HDAC8: variants seen among roughly 807,000 people sequenced by gnomAD.
HDAC8 encodes histone deacetylase 8, also known as histone deacetylase-like 1.
A neutral mutation model predicts 32.2 loss-of-function variants in HDAC8; 1 was observed. The ratio of observed to expected loss-of-function variants is 0.03; its 90% CI spans 0.01 to 0.15. The LOEUF is 0.15. HDAC8 is among the 10% of genes least tolerant of loss of function. The pLI is 1.00. For missense variants in HDAC8, 117 were observed against 300.0 expected (o/e 0.39, Z 4.51); for synonymous variants, 108 against 113.9 (o/e 0.95, Z 0.33).
intron 7 of HDAC8, chrX:72,467,772 T>A (rs2048061024): frequency 2.3e-6 from 1 of 436,801 alleles, no homozygotes; most frequent in Non-Finnish European, 3.8e-6. Context: ...TTTGCAACCA[T>A]CCAGGCCAGT....
intron 9 of HDAC8, among the ~76,000 whole-genome samples, chrX:72,354,506 T>A (rs2044274218): frequency 8.9e-6 from 1 of 112,573 alleles, no homozygotes; most frequent in African/African-American, 3.2e-5. Context: ...GCTAGCCATA[T>A]AGCTAATTGT....
intron 9 of HDAC8, among the ~76,000 whole-genome samples, chrX:72,402,041 A>T (rs944576589): frequency 9.0e-6 from 1 of 111,649 alleles, no homozygotes; most frequent in African/African-American, 3.3e-5. Flanking sequence ...TAATTATTGT[A>T]GGTCTATTCA....
chrX:72,450,054 G>A (rs1226666417), intron 9 of HDAC8, among the ~76,000 whole-genome samples: 6 of 112,014 alleles, frequency 5.4e-5, no homozygotes, highest in Non-Finnish European at 7.5e-5. Flanking sequence ...TCTATACCAT[G>A]GAATACCATT....
chrX:72,346,216 T>A (rs782710504), intron 10 of HDAC8, among the ~76,000 whole-genome samples: 13 of 111,530 alleles, frequency 1.2e-4, no homozygotes, highest in Non-Finnish European at 3.8e-5. Context: ...AGATAAAGGA[T>A]GGACATCACA....
intron 4 of HDAC8, among the ~76,000 whole-genome samples, chrX:72,562,733 A>G (rs1361905573): frequency 9.0e-6 from 1 of 110,964 alleles, no homozygotes; most frequent in Non-Finnish European, 1.9e-5. Context: ...AAAATAAAAA[A>G]TAATATTTGG....
At chrX:72,336,709 C>A (rs2043697687) in intron 10 of HDAC8, among the ~76,000 whole-genome samples, 1 of 111,244 alleles carries the variant, frequency 9.0e-6, no homozygotes, top group Non-Finnish European at 1.9e-5. Flanking sequence ...GGAGCCACCA[C>A]ACCCCCAAAA....
intron 9 of HDAC8, among the ~76,000 whole-genome samples, chrX:72,434,043 G>A (rs2046888367): frequency 8.9e-6 from 1 of 112,509 alleles, no homozygotes; most frequent in African/African-American, 3.2e-5. Context: ...CACAATGTCT[G>A]GCAGCAGTAG....
intron 9 of HDAC8, among the ~76,000 whole-genome samples, chrX:72,457,623 A>C (rs2047754959): frequency 8.9e-6 from 1 of 112,315 alleles, no homozygotes; most frequent in Admixed American, 9.5e-5. Flanking sequence ...GAAATACAGT[A>C]CTTAGGGATA....
chrX:72,420,648 G>A (rs974180245), intron 9 of HDAC8, among the ~76,000 whole-genome samples: 1 of 111,465 alleles, frequency 9.0e-6, no homozygotes, highest in African/African-American at 3.3e-5. Context: ...TATATTTTAA[G>A]GCTCTGTTGT....
At chrX:72,482,271 G>A (rs1390641522) in intron 7 of HDAC8, among the ~76,000 whole-genome samples, 1 of 111,692 alleles carries the variant, frequency 9.0e-6, no homozygotes, top group Non-Finnish European at 1.9e-5. Context: ...ACATGAAAAA[G>A]ATGTAATTCC....
At chrX:72,413,920 A>G (rs1182741397) in intron 9 of HDAC8, among the ~76,000 whole-genome samples, 1 of 112,027 alleles carries the variant, frequency 8.9e-6, no homozygotes, top group African/African-American at 3.2e-5. Flanking sequence ...CTTACGATAA[A>G]TCACCTTCTT....
chrX:72,540,045 C>T (rs1247556331), intron 4 of HDAC8, among the ~76,000 whole-genome samples: 1 of 111,841 alleles, frequency 8.9e-6, no homozygotes, highest in Non-Finnish European at 1.9e-5. Context: ...AGAGGCCTGA[C>T]TGGGGCTTTA....
intron 9 of HDAC8, among the ~76,000 whole-genome samples, chrX:72,408,054 C>T (rs782671075): frequency 2.7e-5 from 3 of 111,956 alleles, no homozygotes; most frequent in Admixed American, 9.5e-5. Context: ...TAAATATATA[C>T]TGAGTGTTTA....
Position 72,468,030 on chromosome X carries a change from G to T in HDAC8, c.738-3299C>A, listed in dbSNP as rs977672176. The T allele has an allele frequency of 6.0e-6, 7 of 1,176,327 alleles. No individual in the cohort carries two copies. In the African/African-American group the frequency reaches 7.2e-5, roughly 12 times the overall value. ...GAGGGCTCTGGATGGGTATTGAAAA[G>T]GTTGATAAGAAGCTTTCAGAAAGGT... On this transcript the variant is annotated intron_variant, in intron 7 of 10. Coordinates refer to ENST00000373573, the MANE Select transcript of HDAC8 (RefSeq NM_018486.3).
intron 9 of HDAC8, among the ~76,000 whole-genome samples, chrX:72,418,998 C>T (rs1402965040): frequency 8.9e-6 from 1 of 111,758 alleles, no homozygotes; most frequent in Non-Finnish European, 1.9e-5. Flanking sequence ...GTTTATATGT[C>T]TATCCTTATG....
intron 10 of HDAC8, among the ~76,000 whole-genome samples, chrX:72,340,425 G>A (rs1469975434): frequency 3.6e-5 from 4 of 111,986 alleles, no homozygotes; most frequent in East Asian, 2.8e-4. Flanking sequence ...GTGGTAGGAG[G>A]AATAATACAG....
intron 4 of HDAC8, among the ~76,000 whole-genome samples, chrX:72,546,538 A>G (rs1346401579): frequency 9.0e-6 from 1 of 111,287 alleles, no homozygotes; most frequent in Non-Finnish European, 1.9e-5. Flanking sequence ...GTAACCAAGC[A>G]AGATGTGATC....
At chrX:72,463,958 AT>A (rs782093336) in intron 8 of HDAC8, among the ~76,000 whole-genome samples, 1 of 112,050 alleles carries the variant, frequency 8.9e-6, no homozygotes, top group African/African-American at 3.2e-5. Context: ...CTTTTCTCAA[AT>A]GTTTAAATGC....
intron 4 of HDAC8, among the ~76,000 whole-genome samples, chrX:72,517,658 C>G (rs998853767): frequency 9.0e-6 from 1 of 111,172 alleles, no homozygotes; most frequent in Non-Finnish European, 1.9e-5. Flanking sequence ...GATCCTAGTA[C>G]CATTTGTGGA....
Sources: gnomAD v4.1 joint callset for allele counts (sites outside exome capture counted in the v4.1 genomes callset) on GRCh38, gnomAD v4.1.1 for gene constraint, MANE v1.5 for transcripts, NCBI Gene and HGNC (gene_info 2026-07-23, HGNC 2026-07-21) for gene names.